Variants in SH3BP1 observed in about 807,000 individuals in gnomAD.
SH3BP1 encodes SH3 domain-binding protein 1.
Under a neutral mutation model 69.8 loss-of-function variants are expected in SH3BP1, and 46 were observed. The ratio of observed to expected loss-of-function variants is 0.66; its 90% confidence interval spans 0.52 to 0.84. SH3BP1 has a LOEUF of 0.84. Ranked by LOEUF, SH3BP1 falls within the 40% of genes least tolerant of loss-of-function variation. The probability of loss-of-function intolerance (pLI) is 0.00; values close to 1 mark genes in which losing one functional copy is unlikely to be tolerated. For synonymous variants in SH3BP1, 403 were observed against 378.0 expected, an observed-to-expected ratio of 1.07 and a Z score of -0.77; for missense variants, 868 against 930.9, an observed-to-expected ratio of 0.93 and a Z score of 0.88.
In SH3BP1 at chr22:37,648,353, G is replaced by T; in HGVS notation, c.1234G>T (p.Glu412Ter). 1.3e-6 allele frequency: 2 copies of T among 1,577,410 alleles called. No individual in the cohort carries two copies. The highest frequency in any genetic ancestry group is 8.6e-7 in the Non-Finnish European group (1 of 1,161,386). ...GAAGTTCCTGGCACGGCTGGCCGAG[G>T]AGCAGGAGGTGAACAAGATGACACC... is the stretch of plus-strand genomic sequence containing the variant. ...LMKFLARLAE[E>*]QEVNKMTPSN... is the part of the protein sequence containing the mutation. Residue 412 changes from glutamate to a stop codon, truncating the protein, a stop_gained, in exon 14 of 18, where the codon GAG (glutamate) becomes TAG (stop). Coordinates refer to ENST00000649765, the MANE Select transcript of SH3BP1 (RefSeq NM_018957.6). LOFTEE classifies it high-confidence loss of function.
Position 37,643,645 on chromosome 22 carries a change from C to T in SH3BP1, c.475C>T (p.Leu159Phe), listed in dbSNP as rs1406872712. Residue 159 changes from leucine to phenylalanine, a missense_variant and splice_region_variant, in exon 7 of 18, where the codon CTC becomes TTC. By Grantham distance (22) the Leu-to-Phe change is conservative (BLOSUM62 0). This residue lies in a region of SH3BP1 where 387 missense variants were observed against 447.9 expected (regional missense o/e 0.86). Transcript: ENST00000649765. ...VSDWNTLKSR[L>F]SQATKNSGSS... Reference sequence around the variant, plus strand: ...AGCTCACCTTGGGATCATCTCCAGGCTCAGTCAGGCAACCAAGAATTCAGG... The same window carrying T: ...AGCTCACCTTGGGATCATCTCCAGGTTCAGTCAGGCAACCAAGAATTCAGG... The T allele has an allele frequency of 1.2e-6, 2 of 1,614,066 alleles. No individual in the cohort carries two copies. The highest frequency in any genetic ancestry group is 1.7e-6 in the Non-Finnish European group (2 of 1,180,048).
At position 37,645,301 on chromosome 22, in the gene SH3BP1, G is replaced by A. The variant is rs1932763972; in HGVS notation, c.779-64G>A. ...ACCACCTTGAGGACATGAAGGGGGG[G>A]TGCCCCTGCCTGACTGCTCGGGGTG... On this transcript the variant is annotated intron_variant, in intron 9 of 17. Transcript: ENST00000649765. 7 of 1,544,764 alleles carry A rather than the reference G, an allele frequency of 4.5e-6. No homozygotes were observed. The Admixed American group carries it at 7.3e-5, about 16-fold the overall frequency.
chr22:37,641,282 T>C (rs2146043263), intron 2 of SH3BP1, 92 bp from the exon 3 acceptor site: 1 of 1,510,110 alleles, frequency 6.6e-7, no homozygotes, highest in Middle Eastern at 1.7e-4. Flanking sequence ...CCTCAAGCTG[T>C]TGGCCATGGG....
intron 4 of SH3BP1, 131 bp downstream of exon 4, chr22:37,642,746 G>C: frequency 6.2e-7 from 1 of 1,601,770 alleles, no homozygotes; most frequent in Non-Finnish European, 8.5e-7. Context: ...AGGTCAGTGA[G>C]GGTGGCCAGG....
chr22:37,649,301 A>T (rs1932835916), intron 14 of SH3BP1, among the ~76,000 whole-genome samples: 1 of 152,018 alleles, frequency 6.6e-6, no homozygotes, highest in Non-Finnish European at 1.5e-5. Context: ...CAGCCTGGGC[A>T]ACTTAATGAG....
At chr22:37,648,606 A>G (rs1932823720) in intron 14 of SH3BP1, 171 bp downstream of exon 14, 1 of 575,674 alleles carries the variant, frequency 1.7e-6, no homozygotes. Flanking sequence ...TGCAGGCCAC[A>G]GGGCTTTGGA....
At chr22:37,647,076 C>G in intron 11 of SH3BP1, 147 bp downstream of exon 11, 2 of 735,660 alleles carry the variant, frequency 2.7e-6, no homozygotes, top group Non-Finnish European at 4.4e-6. Context: ...CCATCATGAG[C>G]CCCCCGAAAA....
Position 37,643,701 on chromosome 22 carries a change from T to C in SH3BP1, c.531T>C (p.Gly177=), listed in dbSNP as rs1894529. The part of the protein sequence containing the change: ...GSSQGLGGSP[G]SHSHTTMANK... ...GTCAAGGCCTAGGAGGCAGCCCGGG[T>C]AGTCACAGCCATACGACCATGGCCA... Residue 177 remains glycine, a synonymous_variant, in exon 7 of 18, where the codon GGT becomes GGC. Transcript: ENST00000649765. 0.081 allele frequency: 130,065 copies of C among 1,613,824 alleles called. 5,873 individuals are homozygous for C. The highest frequency in any genetic ancestry group is 0.15 in the African/African-American group (11,179 of 74,944).
At chr22:37,653,912 G>A in intron 17 of SH3BP1, 39 bp downstream of exon 17, 1 of 1,290,690 alleles carries the variant, frequency 7.7e-7, no homozygotes, top group Non-Finnish European at 1.1e-6. Flanking sequence ...GACAGAGGGT[G>A]GGCGGGGAGA....
Position 37,642,484 on chromosome 22 carries a change from C to T in SH3BP1, c.208-55C>T, listed in dbSNP as rs1019459879. ...TGCCCCAAGGGGCTGGCCTGGTGCT[C>T]AGGCAGGGTGGAGGGAGGCACGGAC... On this transcript the variant is annotated intron_variant, in intron 3 of 17. Transcript: ENST00000649765. The T allele has an allele frequency of 4.4e-6, 7 of 1,587,380 alleles. No individual in the cohort carries two copies. The African/African-American group carries it at 5.4e-5, about 12-fold the overall frequency.
intron 3 of SH3BP1, chr22:37,641,757 G>A: frequency 2.5e-6 from 1 of 395,360 alleles, no homozygotes; most frequent in South Asian, 4.1e-5. Context: ...AGAGCAGGCT[G>A]TCAATGGGGC....
At chr22:37,643,856 C>G in intron 7 of SH3BP1, 68 bp downstream of exon 7, 1 of 1,581,748 alleles carries the variant, frequency 6.3e-7, no homozygotes, top group South Asian at 1.1e-5. Flanking sequence ...ATCTCACAGG[C>G]AAGGAAGCTG....
chr22:37,645,889 G>A (rs1163148061), intron 10 of SH3BP1, among the ~76,000 whole-genome samples: 1 of 151,910 alleles, frequency 6.6e-6, no homozygotes, highest in East Asian at 1.9e-4. Context: ...CCCTAGTGGT[G>A]GCAGATACCC....
chr22:37,642,860 C>G, intron 4 of SH3BP1, 35 bp from the exon 5 acceptor site: 1 of 1,601,452 alleles, frequency 6.2e-7, no homozygotes, highest in Non-Finnish European at 8.5e-7. Context: ...GTGAGGGCAG[C>G]GGGCGCCTGG....
chr22:37,653,653 G>A, intron 16 of SH3BP1, 126 bp from the exon 17 acceptor site: 1 of 732,154 alleles, frequency 1.4e-6, no homozygotes, highest in Non-Finnish European at 2.5e-6. Flanking sequence ...GTGGCATGGG[G>A]ACAGAGTGAT....
Position 37,655,753 on chromosome 22 carries a change from C to G in SH3BP1, c.*69C>G, listed in dbSNP as rs1200621444. 6.9e-7 allele frequency: 1 copy of G among 1,446,870 alleles called. No homozygotes were observed. Among genetic ancestry groups the G allele is most frequent in the Admixed American group, 2.8e-5 (1 of 35,738 alleles). 89.6% of individuals were successfully genotyped at this position (1,446,870 alleles called of 1,614,324 possible). On this transcript the variant is annotated 3_prime_UTR_variant, in exon 18 of 18. Transcript: ENST00000649765. Reference sequence around the variant, plus strand: ...CCCACCTGGCCCTCCCAGGACAGCTCTCGCCCCCCACAAAGGGGCATGGGC... The same window carrying G: ...CCCACCTGGCCCTCCCAGGACAGCTGTCGCCCCCCACAAAGGGGCATGGGC...
At chr22:37,645,642 T>G in intron 10 of SH3BP1, 132 bp downstream of exon 10, 2 of 1,053,080 alleles carry the variant, frequency 1.9e-6, no homozygotes, top group Non-Finnish European at 2.7e-6. Context: ...AAGACATGAC[T>G]GCCTCCTGCG....
intron 1 of SH3BP1, 148 bp from the exon 2 acceptor site, chr22:37,640,978 G>A: frequency 1.5e-6 from 1 of 651,584 alleles, no homozygotes; most frequent in Non-Finnish European, 2.8e-6. Flanking sequence ...TGAAGCAACT[G>A]GGCCACCCAG....
intron 8 of SH3BP1, 63 bp downstream of exon 8, chr22:37,644,768 CA>C (rs1237554668): frequency 6.9e-6 from 11 of 1,604,810 alleles, no homozygotes; most frequent in Middle Eastern, 3.3e-4. Context: ...AGCCAGGGGC[CA>C]CTGGGGCTCT....
Sources: allele counts gnomAD v4.1 joint callset (sites outside exome capture counted in the v4.1 genomes callset), GRCh38; gene constraint gnomAD v4.1.1; regional missense constraint gnomAD v4.1.1; transcripts MANE v1.5; gene names NCBI Gene and HGNC (gene_info 2026-07-23, HGNC 2026-07-21).